PNPLA5: variants seen among roughly 807,000 people sequenced by gnomAD.
The protein encoded by PNPLA5 is patatin-like phospholipase domain-containing protein 5.
In PNPLA5, 44 loss-of-function variants were observed where a neutral mutation model predicts 49.1. The ratio of observed to expected loss-of-function variants is 0.90; its 90% confidence interval spans 0.70 to 1.15. PNPLA5 has a LOEUF of 1.15. PNPLA5 is among the 50% of genes most tolerant of loss of function. The pLI is 0.00. For missense variants in PNPLA5, 603 were observed against 564.0 expected, an observed-to-expected ratio of 1.07 and a Z score of -0.70; for synonymous variants, 243 against 244.4, an observed-to-expected ratio of 0.99 and a Z score of 0.06.
intron 6 of PNPLA5, among the ~76,000 whole-genome samples, chr22:43,884,676 C>G (rs2049644154): frequency 6.6e-6 from 1 of 152,210 alleles, no homozygotes; most frequent in Admixed American, 6.5e-5. Context: ...TTCTGCCCCT[C>G]TAGAAAGTCT....
chr22:43,884,858 C>T (rs1015397458), intron 6 of PNPLA5, among the ~76,000 whole-genome samples: 9 of 152,214 alleles, frequency 5.9e-5, no homozygotes, highest in African/African-American at 7.2e-5. Flanking sequence ...GGGACAGAGC[C>T]GGAGCCCAAA....
intron 5 of PNPLA5, among the ~76,000 whole-genome samples, chr22:43,886,748 G>A (rs1470618648): frequency 6.6e-6 from 1 of 152,162 alleles, no homozygotes; most frequent in African/African-American, 2.4e-5. Context: ...TCCACCACCT[G>A]CAAGCTATGT....
intron 8 of PNPLA5, 45 bp downstream of exon 8, chr22:43,881,513 C>A: frequency 6.5e-7 from 1 of 1,529,198 alleles, no homozygotes; most frequent in African/African-American, 1.4e-5. Flanking sequence ...GCGTTCCCCC[C>A]AGCACAGCCA....
At chr22:43,886,264 G>T in intron 6 of PNPLA5, 39 bp downstream of exon 6, 1 of 1,581,200 alleles carries the variant, frequency 6.3e-7, no homozygotes, top group Non-Finnish European at 8.6e-7. Flanking sequence ...CCTGAGTGCA[G>T]GGCCCTGGTA....
chr22:43,889,263 A>C, intron 4 of PNPLA5, 66 bp downstream of exon 4: 1 of 1,567,862 alleles, frequency 6.4e-7, no homozygotes, highest in Non-Finnish European at 8.7e-7. Flanking sequence ...AGGAGCACAC[A>C]GAGTCTGACT....
Position 43,891,351 on chromosome 22 carries a change from C to T in PNPLA5, c.194-57G>A, listed in dbSNP as rs1196997671. The T allele has an allele frequency of 1.4e-5, 21 of 1,496,148 alleles. No homozygotes were observed. The Admixed American group carries it at 3.4e-4, about 24-fold the overall frequency. The allele number at this position is 1,496,148 out of a possible 1,614,324, so 92.7% of individuals were successfully genotyped here. A position where few individuals can be genotyped will look rare whatever the true frequency, so the allele number is the denominator to read the frequency against. Reference sequence around the variant, plus strand: ...GCGCCCAGGGATCCTGCCAGTCCCTCCACACCCCCACTGCCCTCCTAGGTG... The same window carrying T: ...GCGCCCAGGGATCCTGCCAGTCCCTTCACACCCCCACTGCCCTCCTAGGTG... On this transcript the variant is annotated intron_variant, in intron 1 of 8. Coordinates refer to ENST00000216177, the MANE Select transcript of PNPLA5 (RefSeq NM_138814.4).
intron 7 of PNPLA5, 90 bp downstream of exon 7, chr22:43,884,123 C>T: frequency 4.9e-6 from 3 of 610,414 alleles, no homozygotes; most frequent in Non-Finnish European, 7.6e-6. Flanking sequence ...CCGAGCCCTA[C>T]CCACCCAGTG....
chr22:43,882,153 T>C (rs2049617047), intron 7 of PNPLA5, among the ~76,000 whole-genome samples: 1 of 150,516 alleles, frequency 6.6e-6, no homozygotes, highest in South Asian at 2.2e-4. Context: ...CCCTACCCCA[T>C]GCCCCTTCGT....
rs755875361 is a variant in PNPLA5, at chr22:43,886,386, C to A, written c.866G>T (p.Gly289Val). The change falls in exon 6 of 9, where the codon GGC becomes GTC. Residue 289 changes from glycine to valine, a missense_variant. Transcript: ENST00000216177. ...GGGCACTTTCCAGTTGAGAGACAGG[C>A]CCCCCTTCCAGCGTTGGTCACAGCC... ...DAGCDQRWKGGLSLNWKVPHV... is the reference protein window; with the variant it reads ...DAGCDQRWKGVLSLNWKVPHV... 5.6e-6 allele frequency: 9 copies of A among 1,614,032 alleles called. No individual in the cohort carries two copies. In the Admixed American group the frequency reaches 1.5e-4, roughly 27 times the overall value.
chr22:43,890,467 G>A lies in PNPLA5; in HGVS notation c.426+595C>T, dbSNP rs16991126. ...TCACACTGTGTGCCTGCACTTGAGC[G>A]TGCGCGTACACACTATTGGCAAATA... On this transcript the variant is annotated intron_variant, in intron 2 of 8. Transcript: ENST00000216177. Among the ~76,000 whole-genome samples, 1,503 of 152,282 alleles carry A rather than the reference G, an allele frequency of 9.9e-3. 34 individuals carry two copies. Among genetic ancestry groups the A allele is most frequent in the African/African-American group, 0.034 (1,432 of 41,528 alleles).
In PNPLA5 at chr22:43,879,781, C is replaced by T. The variant is rs2049590368; in HGVS notation, c.*1014G>A. ...CACGGTTCACTGCAGCCTCGACCTC[C>T]TGGGCTCAAATGATCCTCCATCCTC... On this transcript the variant is annotated 3_prime_UTR_variant, in exon 9 of 9. Transcript: ENST00000216177. 6.6e-6 allele frequency: 1 copy of T among 152,184 alleles called. No homozygotes were observed. Among genetic ancestry groups the T allele is most frequent in the Non-Finnish European group, 1.5e-5 (1 of 68,038 alleles). The allele number at this position is 152,184 out of a possible 1,614,324, so 9.4% of individuals were successfully genotyped here.
In PNPLA5 at chr22:43,884,196, C is replaced by G; in HGVS notation, c.1082+17G>C. 6.5e-7 allele frequency: 1 copy of G among 1,526,734 alleles called. No homozygotes were observed. The highest frequency in any genetic ancestry group is 8.8e-7 in the Non-Finnish European group (1 of 1,134,116). 94.6% of individuals were successfully genotyped at this position (1,526,734 alleles called of 1,614,324 possible). ...CCACAAGCCAGGCCCTTCCCAGGCCCCCTGGCCGAGCCTTACCTTCTGCTG... is the reference window on the plus strand; with the variant it reads ...CCACAAGCCAGGCCCTTCCCAGGCCGCCTGGCCGAGCCTTACCTTCTGCTG... On this transcript the variant is annotated intron_variant, in intron 7 of 8. Coordinates refer to ENST00000216177, the MANE Select transcript of PNPLA5 (RefSeq NM_138814.4).
intron 2 of PNPLA5, among the ~76,000 whole-genome samples, chr22:43,890,609 C>G (rs1247438272): frequency 6.6e-5 from 10 of 152,214 alleles, no homozygotes; most frequent in Non-Finnish European, 1.5e-4. Context: ...GCCTGCCCCC[C>G]AGAACCACTG....
At chr22:43,887,782 C>A in intron 4 of PNPLA5, 131 bp from the exon 5 acceptor site, 1 of 1,487,540 alleles carries the variant, frequency 6.7e-7, no homozygotes, top group South Asian at 1.3e-5. Context: ...AGTGACCATT[C>A]AACAGGGCTC....
At chr22:43,885,383 C>T (rs1440667886) in intron 6 of PNPLA5, among the ~76,000 whole-genome samples, 2 of 150,720 alleles carry the variant, frequency 1.3e-5, no homozygotes, top group Non-Finnish European at 3.0e-5. Context: ...ACCCCTTCAG[C>T]CTCTTCCCAC....
At chr22:43,890,504 G>A (rs1371732500) in intron 2 of PNPLA5, among the ~76,000 whole-genome samples, 1 of 152,176 alleles carries the variant, frequency 6.6e-6, no homozygotes, top group African/African-American at 2.4e-5. Context: ...TAGTGTCAGG[G>A]TGTATGTGAA....
At position 43,889,532 on chromosome 22, in the gene PNPLA5, T is replaced by C; in HGVS notation, c.499A>G (p.Ile167Val). ...AAGTTGTTGCTCAGAGCCCCATCGA[T>C]GTAGCGCTGCAATTTGTGGGGAGCA... The part of the protein sequence containing the change: ...IPPEFRGERY[I>V]DGALSNNLPF... Residue 167 changes from isoleucine to valine, a missense_variant, in exon 4 of 9, where the codon ATC (isoleucine) becomes GTC (valine). Transcript: ENST00000216177. 6.2e-7 allele frequency: 1 copy of C among 1,605,458 alleles called. No individual in the cohort carries two copies. The highest frequency in any genetic ancestry group is 8.5e-7 in the Non-Finnish European group (1 of 1,174,500).
intron 7 of PNPLA5, among the ~76,000 whole-genome samples, chr22:43,883,576 G>A (rs1041901617): frequency 9.8e-5 from 15 of 152,326 alleles, no homozygotes; most frequent in South Asian, 4.1e-4. Context: ...TTGGGAGGGC[G>A]AGGCGGGCGG....
chr22:43,881,520 G>T, intron 8 of PNPLA5, 38 bp downstream of exon 8: 1 of 1,537,120 alleles, frequency 6.5e-7, no homozygotes. Context: ...CCCCAGCACA[G>T]CCACCCCCTC....
Sources: gnomAD v4.1 joint callset for allele counts (sites outside exome capture counted in the v4.1 genomes callset) on GRCh38, gnomAD v4.1.1 for gene constraint, MANE v1.5 for transcripts, NCBI Gene and HGNC (gene_info 2026-07-23, HGNC 2026-07-21) for gene names.